Variants in CYP4F3 observed in about 807,000 individuals in gnomAD.
CYP4F3 encodes the protein cytochrome P450 family 4 subfamily F member 3, also known as cytochrome P450 4F3.
A neutral mutation model predicts 54.8 loss-of-function variants in CYP4F3; 50 were observed. That is an observed-to-expected ratio of 0.91 (90% CI 0.73 to 1.16). The LOEUF (loss-of-function observed/expected upper bound fraction) is 1.16, where lower values mean the gene tolerates loss of function less well. Ranked by LOEUF, CYP4F3 falls within the 50% of genes most tolerant of loss-of-function variation. The pLI, the probability that CYP4F3 is intolerant of heterozygous loss-of-function variation, is 0.00. For missense variants in CYP4F3, 715 were observed against 676.2 expected (o/e 1.06, Z -0.64); for synonymous variants, 244 against 262.6 (o/e 0.93, Z 0.69).
chr19:15,651,246 GTGTC>G (rs1457417573), intron 7 of CYP4F3, among the ~76,000 whole-genome samples: 1 of 139,410 alleles, frequency 7.2e-6, no homozygotes, highest in Non-Finnish European at 1.6e-5. Flanking sequence ...CTATGTCTAT[GTGTC>G]TGTGTCTATG....
intron 9 of CYP4F3, among the ~76,000 whole-genome samples, chr19:15,656,768 C>CT (rs5827294): frequency 7.5e-4 from 41 of 54,384 alleles, no homozygotes; most frequent in Non-Finnish European, 1.1e-3. Context: ...ATCTATCTAT[C>CT]ATCCATCCAT....
intron 6 of CYP4F3, among the ~76,000 whole-genome samples, chr19:15,649,695 T>C (rs1378331905): frequency 6.6e-6 from 1 of 152,038 alleles, no homozygotes; most frequent in Non-Finnish European, 1.5e-5. Context: ...TCTGGGTGCC[T>C]AGCTGCATGG....
chr19:15,642,529 C>T (rs4646507), intron 2 of CYP4F3, among the ~76,000 whole-genome samples: 7,614 of 152,272 alleles, frequency 0.05, 295 homozygotes, highest in South Asian at 0.19. Flanking sequence ...GTCCTGAGTC[C>T]ACACTGCTCC....
rs779864233 is a variant in CYP4F3, at chr19:15,649,191, G to A, written c.557G>A (p.Ser186Asn). 1 of 1,613,490 alleles carries A rather than the reference G, an allele frequency of 6.2e-7. No individual in the cohort carries two copies. Among genetic ancestry groups the A allele is most frequent in the Admixed American group, 1.7e-5 (1 of 59,978 alleles). The stretch of plus-strand genomic sequence containing the variant: ...TGGCAGCTCCTGGCCTCAGAGGGTA[G>A]TGCCCGTCTGGACATGTTTGAGCAC... ...AKWQLLASEG[S>N]ARLDMFEHIS... is the part of the protein sequence containing the mutation. Residue 186 changes from serine (S) to asparagine (N), a missense_variant, in exon 6 of 13, where the codon AGT becomes AAT. By Grantham distance (46) the Ser-to-Asn change is conservative. Coordinates refer to ENST00000221307, the MANE Select transcript of CYP4F3 (RefSeq NM_000896.3).
At chr19:15,646,601 T>C (rs146155709) in intron 3 of CYP4F3, among the ~76,000 whole-genome samples, 344 of 152,312 alleles carry the variant, frequency 2.3e-3, no homozygotes, top group African/African-American at 7.3e-3. Context: ...TCATGTATTT[T>C]GTGGCCATGT....
rs754901864 is a variant in CYP4F3, at chr19:15,650,808, CTCTTTCTTTCTTTCTTTCTTTCTT to C, written c.918+663_918+686del. Among the ~76,000 whole-genome samples, 9 of 12,940 alleles carry C rather than the reference CTCTTTCTTTCTTTCTTTCTTTCTT, an allele frequency of 7.0e-4. 1 individual carries two copies. The highest frequency in any genetic ancestry group is 5.0e-3 in the South Asian group (2 of 398). The allele number at this position is 12,940 out of a possible 152,430, so 8.5% of individuals were successfully genotyped here. ...CTTTCTTTCTTTCTTTCTCTCTCTT[CTCTTTCTTTCTTTCTTTCTTTCTT>C]TCTTTCTTTCTTTCTTTCTTTCTTT... On this transcript the variant is annotated intron_variant, in intron 7 of 12. Transcript: ENST00000221307.
chr19:15,657,702 C>T (rs539447678), intron 9 of CYP4F3, among the ~76,000 whole-genome samples: 116 of 152,020 alleles, frequency 7.6e-4, no homozygotes, highest in African/African-American at 2.8e-3. Context: ...CATATTTCTT[C>T]TTTTGATGGA....
At chr19:15,641,706 G>A in intron 2 of CYP4F3, 93 bp downstream of exon 2, 2 of 1,293,778 alleles carry the variant, frequency 1.5e-6, no homozygotes, top group Non-Finnish European at 2.2e-6. Flanking sequence ...GGTGGGCTGG[G>A]GTCTGGGGTG....
rs1244269897 is a variant in CYP4F3, at chr19:15,652,867, C to G, written c.1030C>G (p.Leu344Val). ...TGGTCTCTCCTGGGTCCTGTACCAC[C>G]TTGCAAAGCACCCGGAATACCAGGA... Reference protein sequence around the residue: ...ASGLSWVLYHLAKHPEYQERC... With the variant: ...ASGLSWVLYHVAKHPEYQERC... The change falls in exon 9 of 13, where the codon CTT becomes GTT. Residue 344 changes from leucine (L) to valine (V), a missense_variant. Physicochemically the swap from Leu to Val is conservative, Grantham distance 32 (BLOSUM62 1). Transcript: ENST00000221307. 12 of 1,613,898 alleles carry G rather than the reference C, an allele frequency of 7.4e-6. No individual in the cohort carries two copies. Among genetic ancestry groups the G allele is most frequent in the Non-Finnish European group, 1.0e-5 (12 of 1,179,874 alleles).
At position 15,646,988 on chromosome 19, in the gene CYP4F3, C is replaced by A. The variant is rs112509453; in HGVS notation, c.344-64C>A. 593 of 1,602,998 alleles carry A rather than the reference C, an allele frequency of 3.7e-4. 2 individuals are homozygous for A. In the African/African-American group the frequency reaches 6.9e-3, roughly 19 times the overall value. Reference sequence around the variant, plus strand: ...TGCAAACCTCTTGCTGGGAGCCTCCCCCCACCCCCAAAGTTCCTCCTTCAC... The same window carrying A: ...TGCAAACCTCTTGCTGGGAGCCTCCACCCACCCCCAAAGTTCCTCCTTCAC... On this transcript the variant is annotated intron_variant, in intron 3 of 12. Transcript: ENST00000221307.
intron 9 of CYP4F3, among the ~76,000 whole-genome samples, chr19:15,653,783 A>AGC (rs1972940206): frequency 1.5e-5 from 2 of 134,166 alleles, no homozygotes; most frequent in African/African-American, 5.7e-5. Flanking sequence ...AGAGAGAGAG[A>AGC]GAGCAGGGTC....
chr19:15,658,461 T>C (rs538056130), intron 10 of CYP4F3, 30 bp from the exon 11 acceptor site: 3 of 1,613,770 alleles, frequency 1.9e-6, no homozygotes, highest in South Asian at 2.2e-5. Context: ...GCAGGGAGCA[T>C]TGTCCTGACT....
chr19:15,646,161 T>C (rs1290624), intron 3 of CYP4F3, among the ~76,000 whole-genome samples: 31,995 of 152,188 alleles, frequency 0.21, 3,727 homozygotes, highest in South Asian at 0.28. Context: ...AAATATGTTA[T>C]ACCCGGTTAC....
chr19:15,649,325 A>G (rs746404557), intron 6 of CYP4F3, 44 bp downstream of exon 6: 11 of 1,608,958 alleles, frequency 6.8e-6, no homozygotes, highest in Admixed American at 1.7e-5. Flanking sequence ...CGTGGACACA[A>G]AGTTGGTAGG....
chr19:15,643,113 T>C (rs1972513955), intron 2 of CYP4F3, among the ~76,000 whole-genome samples: 1 of 149,328 alleles, frequency 6.7e-6, no homozygotes, highest in South Asian at 2.1e-4. Context: ...CAGATAGATA[T>C]ATAGATAGAA....
intron 12 of CYP4F3, 65 bp from the exon 13 acceptor site, chr19:15,659,155 A>C (rs2176919): frequency 0.34 from 429,582 of 1,247,674 alleles, 80,734 homozygotes; most frequent in Middle Eastern, 0.4. Flanking sequence ...AGGCCAGGTT[A>C]CCGGCTTGAT....
At position 15,645,887 on chromosome 19, in the gene CYP4F3, AG is replaced by A. The variant is rs1489958233; in HGVS notation, c.343+26del. On this transcript the variant is annotated intron_variant, in intron 3 of 12. Coordinates refer to ENST00000221307, the MANE Select transcript of CYP4F3 (RefSeq NM_000896.3). ...AGGTAGACACTGCACTGGCCACTCC[AG>A]GTAGACACTGCACTGGCCACGCCTT... The A allele has an allele frequency of 1.9e-6, 3 of 1,582,006 alleles. No homozygotes were observed. In the African/African-American group the frequency reaches 4.0e-5, roughly 21 times the overall value.
At chr19:15,643,425 G>T (rs563705438) in intron 2 of CYP4F3, among the ~76,000 whole-genome samples, 18 of 151,668 alleles carry the variant, frequency 1.2e-4, no homozygotes, top group Admixed American at 9.8e-4. Context: ...TAGATAGATA[G>T]ATAGATAGAT....
At chr19:15,655,841 G>A (rs2683054) in intron 9 of CYP4F3, among the ~76,000 whole-genome samples, 101,069 of 152,120 alleles carry the variant, frequency 0.66, 34,129 homozygotes, top group East Asian at 0.82. Flanking sequence ...GTATGATGTT[G>A]TGATATATGT....
Sources: allele counts gnomAD v4.1 joint callset (sites outside exome capture counted in the v4.1 genomes callset), GRCh38; gene constraint gnomAD v4.1.1; transcripts MANE v1.5; gene names NCBI Gene and HGNC (gene_info 2026-07-23, HGNC 2026-07-21).